The following MYRIP variants were observed in gnomAD, a reference collection of about 807,000 sequenced individuals.
The protein encoded by MYRIP is myosin VIIA and Rab interacting protein.
A neutral mutation model predicts 98.0 loss-of-function variants in MYRIP; 49 were observed. The ratio of observed to expected loss-of-function variants is 0.50; its 90% CI spans 0.40 to 0.63. The LOEUF is 0.63. Ranked by LOEUF, MYRIP falls within the 30% of genes least tolerant of loss-of-function variation. The pLI is 0.00. For synonymous variants in MYRIP, 404 were observed against 409.5 expected, an observed-to-expected ratio of 0.99 and a Z score of 0.16; for missense variants, 1,004 against 1,058.2, an observed-to-expected ratio of 0.95 and a Z score of 0.71.
chr3:40,231,240 G>A (rs1222176943), intron 11 of MYRIP, among the ~76,000 whole-genome samples: 16 of 152,220 alleles, frequency 1.1e-4, no homozygotes. Flanking sequence ...CCAGCTGCCT[G>A]GGCCTCCTCA....
chr3:40,214,170 G>A (rs546480143), intron 11 of MYRIP, among the ~76,000 whole-genome samples: 10 of 152,136 alleles, frequency 6.6e-5, no homozygotes, highest in South Asian at 4.1e-4. Flanking sequence ...TCCATAAATC[G>A]CAAATACTTA....
intron 3 of MYRIP, among the ~76,000 whole-genome samples, chr3:40,077,915 C>A (rs969621904): frequency 6.6e-6 from 1 of 152,258 alleles, no homozygotes; most frequent in Non-Finnish European, 1.5e-5. Flanking sequence ...CCGCGCCCTG[C>A]GCCCTGCGCC....
rs999899376 is a variant in MYRIP, at chr3:40,225,779, C to A, written c.1906-8080C>A. On this transcript the variant is annotated intron_variant, in intron 11 of 16. Transcript: ENST00000302541. Reference sequence around the variant, plus strand: ...CTCCTTGCTTCTTCTCTTCCCTCCCCAAAGAGTCTCTCGCGAACAACATTC... The same window carrying A: ...CTCCTTGCTTCTTCTCTTCCCTCCCAAAAGAGTCTCTCGCGAACAACATTC... Among the ~76,000 whole-genome samples, 6 of 152,306 alleles carry A rather than the reference C, an allele frequency of 3.9e-5. 1 individual carries two copies. Among genetic ancestry groups the A allele is most frequent in the Admixed American group, 6.5e-5 (1 of 15,298 alleles).
At chr3:40,163,601 G>A (rs993208850) in intron 5 of MYRIP, among the ~76,000 whole-genome samples, 1 of 152,124 alleles carries the variant, frequency 6.6e-6, no homozygotes, top group Non-Finnish European at 1.5e-5. Flanking sequence ...TTCTGGAGCT[G>A]GGACATCCAT....
chr3:39,889,399 A>T (rs1943416149), intron 1 of MYRIP, among the ~76,000 whole-genome samples: 1 of 152,202 alleles, frequency 6.6e-6, no homozygotes, highest in Admixed American at 6.5e-5. Context: ...TGAAATTGGA[A>T]ATCATCATTC....
chr3:39,915,332 A>G (rs916745033), intron 2 of MYRIP, among the ~76,000 whole-genome samples: 12 of 152,072 alleles, frequency 7.9e-5, no homozygotes, highest in African/African-American at 2.9e-4. Context: ...TTGATTTTGT[A>G]TAACCTAAGA....
Position 40,151,062 on chromosome 3 carries a change from A to T in MYRIP, c.347A>T (p.Gln116Leu). 6.3e-7 allele frequency: 1 copy of T among 1,591,982 alleles called. No individual in the cohort carries two copies. ...VCQQARLLRA[Q>L]SLEWFYNNVK... Reference sequence around the variant, plus strand: ...GTTTTCCTCAGGCTTCTGAGGGCCCAATCTCTGGAATGGTTCTACAATAAT... The same window carrying T: ...GTTTTCCTCAGGCTTCTGAGGGCCCTATCTCTGGAATGGTTCTACAATAAT... The change falls in exon 4 of 17, where the codon CAA becomes CTA. Residue 116 changes from glutamine to leucine, a missense_variant. By Grantham distance (113) the Gln-to-Leu change is moderately radical. Coordinates refer to ENST00000302541, the MANE Select transcript of MYRIP (RefSeq NM_015460.4).
chr3:39,867,274 A>AT (rs1156580522), intron 1 of MYRIP, among the ~76,000 whole-genome samples: 5 of 152,172 alleles, frequency 3.3e-5, no homozygotes, highest in Non-Finnish European at 7.4e-5. Context: ...TTTAGCAATG[A>AT]TTTTTTTCAC....
At chr3:40,014,666 G>T (rs1470108773) in intron 2 of MYRIP, among the ~76,000 whole-genome samples, 2 of 152,134 alleles carry the variant, frequency 1.3e-5, no homozygotes, top group African/African-American at 4.8e-5. Flanking sequence ...GTGGTCTATG[G>T]TAGTTTCTAT....
intron 2 of MYRIP, among the ~76,000 whole-genome samples, chr3:39,981,606 T>A (rs1046023658): frequency 6.6e-6 from 1 of 152,124 alleles, no homozygotes; most frequent in East Asian, 1.9e-4. Context: ...GTTGTTGGGG[T>A]CTTGCTGCAG....
At chr3:40,052,571 T>C (rs9860463) in intron 3 of MYRIP, among the ~76,000 whole-genome samples, 1 of 151,990 alleles carries the variant, frequency 6.6e-6, no homozygotes, top group Non-Finnish European at 1.5e-5. Context: ...TCTTTTCCAT[T>C]GCTGGGGAAG....
intron 3 of MYRIP, among the ~76,000 whole-genome samples, chr3:40,138,087 C>T (rs1949818374): frequency 6.6e-6 from 1 of 152,234 alleles, no homozygotes; most frequent in African/African-American, 2.4e-5. Flanking sequence ...GACAGGTCAC[C>T]ATAGAATCTC....
chr3:40,164,061 T>C (rs375717033), intron 5 of MYRIP, among the ~76,000 whole-genome samples: 34 of 152,140 alleles, frequency 2.2e-4, no homozygotes, highest in African/African-American at 8.2e-4. Context: ...CCTGAAGATC[T>C]TATAGGGTTC....
rs1031187057 is a variant in MYRIP at position 39,809,916 on chromosome 3, C to T, written c.-31C>T. ...GACTTGCTTCAGGCTGGCCACCCCC[C>T]GTGAGTACCGTCCGCCTCCCTCTTC... On this transcript the variant is annotated splice_region_variant and 5_prime_UTR_variant, in exon 1 of 17. Coordinates refer to ENST00000302541, the MANE Select transcript of MYRIP (RefSeq NM_015460.4). 1 of 152,408 alleles carries T rather than the reference C, an allele frequency of 6.6e-6. No individual in the cohort carries two copies. The highest frequency in any genetic ancestry group is 1.5e-5 in the Non-Finnish European group (1 of 68,210). 9.4% of individuals were successfully genotyped at this position (152,408 alleles called of 1,614,324 possible).
At chr3:39,895,523 AT>A (rs35368191) in intron 1 of MYRIP, among the ~76,000 whole-genome samples, 68,994 of 150,900 alleles carry the variant, frequency 0.46, 16,524 homozygotes, top group African/African-American at 0.61. Context: ...CCATATATAT[AT>A]TTTTTTTTCG....
intron 2 of MYRIP, among the ~76,000 whole-genome samples, chr3:40,036,470 G>A (rs2125824754): frequency 6.6e-6 from 1 of 151,982 alleles, no homozygotes; most frequent in Non-Finnish European, 1.5e-5. Flanking sequence ...TTAACAGAAG[G>A]AAAATCAGAT....
At chr3:39,828,928 C>T (rs1941351275) in intron 1 of MYRIP, among the ~76,000 whole-genome samples, 1 of 152,200 alleles carries the variant, frequency 6.6e-6, no homozygotes, top group Non-Finnish European at 1.5e-5. Flanking sequence ...AATTGTGCTG[C>T]TATGAACATG....
In MYRIP at chr3:40,136,672, A is replaced by G. The variant is rs1020365315; in HGVS notation, c.333-14376A>G. Among the ~76,000 whole-genome samples, 34 of 152,092 alleles carry G rather than the reference A, an allele frequency of 2.2e-4. 1 individual carries two copies. Among genetic ancestry groups the G allele is most frequent in the Non-Finnish European group, 1.2e-4 (8 of 68,018 alleles). On this transcript the variant is annotated intron_variant, in intron 3 of 16. Coordinates refer to ENST00000302541, the MANE Select transcript of MYRIP (RefSeq NM_015460.4). ...CAGCAAATGTAAAAGAACAGAAATT[A>G]TAACAAACTGTCTCTCAGACCACAG...
chr3:40,043,955 T>C (rs1333261050), intron 2 of MYRIP, 95 bp from the exon 3 acceptor site: 2 of 1,173,504 alleles, frequency 1.7e-6, no homozygotes, highest in Admixed American at 4.2e-5. Flanking sequence ...TAGCTTGGCC[T>C]AAGGGAGGGA....
Sources: allele counts gnomAD v4.1 joint callset (sites outside exome capture counted in the v4.1 genomes callset), GRCh38; gene constraint gnomAD v4.1.1; transcripts MANE v1.5; gene names NCBI Gene and HGNC (gene_info 2026-07-23, HGNC 2026-07-21).